GRIK1: variants seen among roughly 807,000 people sequenced by gnomAD.
The protein encoded by GRIK1 is glutamate ionotropic receptor kainate type subunit 1.
Under a neutral mutation model 105.7 loss-of-function variants are expected in GRIK1, and 69 were observed. The observed-to-expected ratio is 0.65, with a 90% CI of 0.54 to 0.80. GRIK1 has a LOEUF of 0.80. Among genes scored for constraint, GRIK1 ranks in the 30% least tolerant of loss-of-function variants. The pLI, the probability that GRIK1 is intolerant of heterozygous loss-of-function variation, is 0.00. For missense variants in GRIK1, 1,109 were observed against 1,167.3 expected (o/e 0.95, Z 0.73); for synonymous variants, 438 against 431.3 (o/e 1.02, Z -0.19).
chr21:29,769,458 G>A (rs1461305614), intron 1 of GRIK1, among the ~76,000 whole-genome samples: 2 of 152,134 alleles, frequency 1.3e-5, no homozygotes, highest in Non-Finnish European at 1.5e-5. Context: ...GTGGGAGCTG[G>A]TTTTGGGATG....
At chr21:29,725,184 G>GT (rs1446582511) in intron 1 of GRIK1, among the ~76,000 whole-genome samples, 2 of 152,114 alleles carry the variant, frequency 1.3e-5, no homozygotes, top group Non-Finnish European at 2.9e-5. Context: ...CAGCATTTCA[G>GT]TAAGAAATAA....
chr21:29,809,247 G>A (rs535659739), intron 1 of GRIK1, among the ~76,000 whole-genome samples: 5 of 152,160 alleles, frequency 3.3e-5, no homozygotes, highest in African/African-American at 9.6e-5. Flanking sequence ...TTGTGGGGTC[G>A]GTTCAGACCA....
intron 5 of GRIK1, among the ~76,000 whole-genome samples, chr21:29,653,868 T>C (rs753521304): frequency 6.6e-6 from 1 of 152,206 alleles, no homozygotes; most frequent in African/African-American, 2.4e-5. Flanking sequence ...AGTAATGATT[T>C]TGACAACTGT....
At chr21:29,899,647 A>G (rs977357543) in intron 1 of GRIK1, among the ~76,000 whole-genome samples, 2 of 151,994 alleles carry the variant, frequency 1.3e-5, no homozygotes, top group African/African-American at 4.8e-5. Flanking sequence ...GACAAAATTT[A>G]GAGAATAACC....
At chr21:29,905,025 G>A (rs929739021) in intron 1 of GRIK1, among the ~76,000 whole-genome samples, 2 of 152,152 alleles carry the variant, frequency 1.3e-5, no homozygotes, top group Non-Finnish European at 2.9e-5. Context: ...GAGCCTCCGA[G>A]CGGTCTCATG....
chr21:29,924,069 G>GAA (rs2071274447), intron 1 of GRIK1, among the ~76,000 whole-genome samples: 2 of 152,150 alleles, frequency 1.3e-5, no homozygotes, highest in Admixed American at 6.5e-5. Flanking sequence ...GCCGGGCGCG[G>GAA]TGGCTCATGC....
At chr21:29,806,136 T>C (rs912362129) in intron 1 of GRIK1, among the ~76,000 whole-genome samples, 3 of 152,190 alleles carry the variant, frequency 2.0e-5, no homozygotes, top group Non-Finnish European at 2.9e-5. Context: ...CACTATATTA[T>C]GAATAGTATT....
chr21:29,665,937 G>T (rs568578447), intron 4 of GRIK1, among the ~76,000 whole-genome samples: 1 of 152,300 alleles, frequency 6.6e-6, no homozygotes, highest in South Asian at 2.1e-4. Context: ...TATTATGCAT[G>T]CAGTAAATAC....
intron 1 of GRIK1, among the ~76,000 whole-genome samples, chr21:29,770,596 A>C (rs2065790553): frequency 6.6e-6 from 1 of 152,236 alleles, no homozygotes; most frequent in Non-Finnish European, 1.5e-5. Flanking sequence ...TACTCCCAAC[A>C]GGATTTTGAT....
intron 15 of GRIK1, among the ~76,000 whole-genome samples, chr21:29,561,013 C>T (rs910281173): frequency 1.3e-5 from 2 of 152,198 alleles, no homozygotes; most frequent in African/African-American, 4.8e-5. Context: ...TACAAGAATG[C>T]ATTGCTATAT....
Position 29,855,043 on chromosome 21 carries a change from G to T in GRIK1, c.118+84340C>A, listed in dbSNP as rs375915357. 3.9e-5 allele frequency among the ~76,000 whole-genome samples: 6 copies of T among 152,200 alleles called. No homozygotes were observed. The East Asian group carries it at 5.8e-4, about 15-fold the overall frequency. On this transcript the variant is annotated intron_variant, in intron 1 of 17. Coordinates refer to ENST00000327783, the MANE Select transcript of GRIK1 (RefSeq NM_001330994.2). ...AAGTCACTTTTGCAAACCAGGGCAT[G>T]AGCTGTTGAGGGCACTTTGGGCCTT... is the stretch of plus-strand genomic sequence containing the variant.
intron 1 of GRIK1, among the ~76,000 whole-genome samples, chr21:29,916,551 G>T (rs1470279567): frequency 2.6e-5 from 4 of 151,856 alleles, no homozygotes; most frequent in Non-Finnish European, 5.9e-5. Context: ...AACTGAAAGG[G>T]GCTTGGAGGG....
At chr21:29,922,750 C>T (rs1184928662) in intron 1 of GRIK1, among the ~76,000 whole-genome samples, 2 of 152,286 alleles carry the variant, frequency 1.3e-5, no homozygotes, top group South Asian at 4.1e-4. Context: ...TTGTATTCCT[C>T]GGCCCTTTTA....
intron 7 of GRIK1, among the ~76,000 whole-genome samples, chr21:29,609,531 T>C (rs909865024): frequency 3.3e-5 from 5 of 152,204 alleles, no homozygotes; most frequent in Non-Finnish European, 7.3e-5. Flanking sequence ...AGCATTTGAA[T>C]TGGGGGGCCC....
At chr21:29,541,572 G>C (rs955810581) in intron 16 of GRIK1, among the ~76,000 whole-genome samples, 1 of 93,138 alleles carries the variant, frequency 1.1e-5, no homozygotes, top group African/African-American at 6.7e-5. Flanking sequence ...TTGCACTCAC[G>C]GTCTTTTTTT....
intron 1 of GRIK1, among the ~76,000 whole-genome samples, chr21:29,871,115 A>G (rs1412379251): frequency 2.0e-5 from 3 of 152,106 alleles, no homozygotes; most frequent in Non-Finnish European, 2.9e-5. Flanking sequence ...TCCCTGGATA[A>G]GGCTGGCCCC....
intron 4 of GRIK1, among the ~76,000 whole-genome samples, chr21:29,655,776 A>G (rs1288778429): frequency 3.3e-5 from 5 of 152,110 alleles, no homozygotes; most frequent in Admixed American, 1.3e-4. Context: ...CTGGTTCTCA[A>G]ATAACTACTT....
intron 16 of GRIK1, among the ~76,000 whole-genome samples, chr21:29,551,755 C>A (rs1445688387): frequency 6.6e-6 from 1 of 152,090 alleles, no homozygotes; most frequent in African/African-American, 2.4e-5. Context: ...AATACTTCAT[C>A]AATCACACTT....
At chr21:29,893,578 G>A (rs2069990313) in intron 1 of GRIK1, among the ~76,000 whole-genome samples, 1 of 152,128 alleles carries the variant, frequency 6.6e-6, no homozygotes, top group Non-Finnish European at 1.5e-5. Flanking sequence ...TGTTTTACCA[G>A]ACTTAACCTT....
Sources: gnomAD v4.1 joint callset for allele counts (sites outside exome capture counted in the v4.1 genomes callset) on GRCh38, gnomAD v4.1.1 for gene constraint, MANE v1.5 for transcripts, NCBI Gene and HGNC (gene_info 2026-07-23, HGNC 2026-07-21) for gene names.